CSMD3: variants seen among roughly 807,000 people sequenced by gnomAD.
The protein encoded by CSMD3 is CUB and sushi domain-containing protein 3.
Under a neutral mutation model 435.2 loss-of-function variants are expected in CSMD3, and 177 were observed. That is an observed-to-expected ratio of 0.41 (90% confidence interval 0.36 to 0.46). The LOEUF (loss-of-function observed/expected upper bound fraction) is 0.46. CSMD3 is among the 20% of genes least tolerant of loss of function. The probability of loss-of-function intolerance (pLI) is 0.34; values close to 1 mark genes in which losing one functional copy is unlikely to be tolerated. For missense variants in CSMD3, 4,265 were observed against 4,504.6 expected (o/e 0.95, Z 1.52); for synonymous variants, 1,656 against 1,520.5 (o/e 1.09, Z -2.07).
At chr8:112,563,879 C>T (rs1186089438) in intron 24 of CSMD3, among the ~76,000 whole-genome samples, 1 of 151,824 alleles carries the variant, frequency 6.6e-6, no homozygotes, top group Non-Finnish European at 1.5e-5. Context: ...TTTCCATGTC[C>T]GATGGGTAAT....
At position 112,295,816 on chromosome 8, in the gene CSMD3, T is replaced by C. The variant is rs1321165799; in HGVS notation, c.8614+17A>G. Reference sequence around the variant, plus strand: ...AAAGATCAGAGGTCTCTAATTGCTTTTGCCATGCTTACTTACGCACACAGG... The same window carrying C: ...AAAGATCAGAGGTCTCTAATTGCTTCTGCCATGCTTACTTACGCACACAGG... On this transcript the variant is annotated intron_variant, in intron 54 of 70. Transcript: ENST00000297405. 1 of 1,612,538 alleles carries C rather than the reference T, an allele frequency of 6.2e-7. No homozygotes were observed. The highest frequency in any genetic ancestry group is 1.3e-5 in the African/African-American group (1 of 74,884).
At chr8:112,543,867 C>T (rs1826910614) in intron 27 of CSMD3, among the ~76,000 whole-genome samples, 7 of 152,104 alleles carry the variant, frequency 4.6e-5, no homozygotes, top group Admixed American at 4.6e-4. Flanking sequence ...ATGGGAAAGA[C>T]ACACAGTGGA....
intron 3 of CSMD3, among the ~76,000 whole-genome samples, chr8:113,210,951 G>A (rs2092827666): frequency 6.6e-6 from 1 of 151,888 alleles, no homozygotes; most frequent in African/African-American, 2.4e-5. Flanking sequence ...GGCAAACCCT[G>A]GATTTGAGTC....
intron 24 of CSMD3, among the ~76,000 whole-genome samples, chr8:112,568,712 G>A (rs1829264012): frequency 6.6e-6 from 1 of 152,128 alleles, no homozygotes; most frequent in Non-Finnish European, 1.5e-5. Context: ...AGTCTTCTTA[G>A]CATAGTAGAG....
Position 112,244,593 on chromosome 8 carries a change from C to T in CSMD3, c.10223-20G>A. 1.2e-6 allele frequency: 2 copies of T among 1,609,472 alleles called. No homozygotes were observed. The highest frequency in any genetic ancestry group is 1.7e-6 in the Non-Finnish European group (2 of 1,176,214). ...TGTGGGCTATATTAAGAAAAGAGAACAATGTAAATTTTCTATAGATATGTT... is the reference window on the plus strand; with the variant it reads ...TGTGGGCTATATTAAGAAAAGAGAATAATGTAAATTTTCTATAGATATGTT... On this transcript the variant is annotated intron_variant, in intron 64 of 70. Transcript: ENST00000297405.
intron 63 of CSMD3, 139 bp downstream of exon 63, chr8:112,254,114 C>A (rs7830950): frequency 1.4e-6 from 1 of 712,716 alleles, no homozygotes. Flanking sequence ...CACTCTTTTG[C>A]TGTCTGTTAC....
chr8:112,852,083 G>GCAA (rs1241240911), intron 11 of CSMD3, among the ~76,000 whole-genome samples: 1 of 152,098 alleles, frequency 6.6e-6, no homozygotes, highest in African/African-American at 2.4e-5. Context: ...AGAAAGGAGG[G>GCAA]TATGGATCAG....
chr8:112,330,886 T>C (rs140730219), intron 45 of CSMD3, among the ~76,000 whole-genome samples: 36 of 152,158 alleles, frequency 2.4e-4, no homozygotes, highest in African/African-American at 8.7e-4. Context: ...TTGTTATTGT[T>C]GTTTTGATTT....
chr8:112,838,344 A>G (rs578074612), intron 11 of CSMD3, among the ~76,000 whole-genome samples: 4 of 151,952 alleles, frequency 2.6e-5, no homozygotes, highest in East Asian at 1.9e-4. Context: ...TTTATCTTCT[A>G]TATGAAAAGC....
intron 10 of CSMD3, among the ~76,000 whole-genome samples, chr8:112,885,364 GT>G (rs1564066035): frequency 4.0e-5 from 6 of 148,612 alleles, no homozygotes; most frequent in Admixed American, 3.4e-4. Context: ...CAAATAGCCA[GT>G]ATATATATAT....
chr8:112,388,340 G>A (rs1257334027), intron 36 of CSMD3, among the ~76,000 whole-genome samples: 1 of 152,166 alleles, frequency 6.6e-6, no homozygotes. Context: ...TCTACTGGAC[G>A]TACAGGGAAT....
chr8:113,244,289 A>G (rs2093252610), intron 3 of CSMD3, among the ~76,000 whole-genome samples: 2 of 152,116 alleles, frequency 1.3e-5, no homozygotes, highest in Admixed American at 1.3e-4. Context: ...TTAATCTTAC[A>G]TTTAAGTCTA....
chr8:112,996,235 C>T (rs1478629353), intron 6 of CSMD3, among the ~76,000 whole-genome samples: 3 of 151,464 alleles, frequency 2.0e-5, no homozygotes, highest in African/African-American at 7.3e-5. Context: ...AAGTTCTGTA[C>T]ATTTTGACCA....
chr8:112,480,377 A>G (rs962564505), intron 31 of CSMD3, among the ~76,000 whole-genome samples: 2 of 152,258 alleles, frequency 1.3e-5, no homozygotes, highest in African/African-American at 2.4e-5. Context: ...AACTATTAGC[A>G]GGGGATGATT....
intron 64 of CSMD3, among the ~76,000 whole-genome samples, chr8:112,245,314 T>C (rs1426000465): frequency 6.6e-6 from 1 of 152,150 alleles, no homozygotes. Flanking sequence ...CCGTCAGAGA[T>C]AAATGCTACA....
intron 11 of CSMD3, among the ~76,000 whole-genome samples, chr8:112,849,967 C>T (rs989571961): frequency 2.0e-5 from 3 of 151,968 alleles, no homozygotes; most frequent in African/African-American, 7.2e-5. Flanking sequence ...TAGCCTTTGG[C>T]AAATTACTTT....
chr8:112,964,651 C>CT (rs1033499475), intron 7 of CSMD3, among the ~76,000 whole-genome samples: 5 of 151,712 alleles, frequency 3.3e-5, no homozygotes, highest in Admixed American at 6.6e-5. Flanking sequence ...GTTGATGAGA[C>CT]TTTTTTTTCC....
chr8:112,506,760 G>A lies in CSMD3; in HGVS notation c.4826C>T (p.Pro1609Leu), dbSNP rs1196558347. ...ILSPNFPHPYPHSRDCDWTIT... is the reference protein window; with the variant it reads ...ILSPNFPHPYLHSRDCDWTIT... The stretch of plus-strand genomic sequence containing the variant: ...AGTCCAGTCACAGTCTCTGCTATGC[G>A]GATATGGATGAGGGAAGTTTGGTGA... The change falls in exon 29 of 71, where the codon CCG becomes CTG. Residue 1609 changes from proline to leucine, a missense_variant. This residue lies in a region of CSMD3 where 3,255 missense variants were observed against 3,380.2 expected (regional missense o/e 0.96). Transcript: ENST00000297405. 3 of 1,613,332 alleles carry A rather than the reference G, an allele frequency of 1.9e-6. No homozygotes were observed. The highest frequency in any genetic ancestry group is 2.2e-5 in the East Asian group (1 of 44,844).
intron 32 of CSMD3, among the ~76,000 whole-genome samples, chr8:112,450,884 G>T (rs1031287887): frequency 2.0e-5 from 3 of 152,124 alleles, no homozygotes; most frequent in Admixed American, 6.6e-5. Context: ...CATGCTCTCT[G>T]ATCTGGAAAC....
Sources: allele counts gnomAD v4.1 joint callset (sites outside exome capture counted in the v4.1 genomes callset), GRCh38; gene constraint gnomAD v4.1.1; regional missense constraint gnomAD v4.1.1; transcripts MANE v1.5; gene names NCBI Gene and HGNC (gene_info 2026-07-23, HGNC 2026-07-21).